The following CTNNA3 variants were observed in gnomAD, a reference collection of about 807,000 sequenced individuals.
The protein encoded by CTNNA3 is catenin alpha 3, also known as catenin alpha-3.
A neutral mutation model predicts 95.7 loss-of-function variants in CTNNA3; 76 were observed. The ratio of observed to expected loss-of-function variants is 0.79; its 90% CI spans 0.66 to 0.96. The LOEUF is 0.96. CTNNA3 is among the 40% of genes least tolerant of loss of function. The pLI, the probability that CTNNA3 is intolerant of heterozygous loss-of-function variation, is 0.00. For synonymous variants in CTNNA3, 431 were observed against 374.4 expected, an observed-to-expected ratio of 1.15 and a Z score of -1.74; for missense variants, 1,191 against 1,089.8, an observed-to-expected ratio of 1.09 and a Z score of -1.31.
At chr10:67,449,522 T>G (rs1846887867) in intron 5 of CTNNA3, among the ~76,000 whole-genome samples, 1 of 152,162 alleles carries the variant, frequency 6.6e-6, no homozygotes, top group East Asian at 1.9e-4. Flanking sequence ...TACAACTATG[T>G]GATCTTTGAC....
chr10:66,100,596 A>G (rs1030840379), intron 14 of CTNNA3, among the ~76,000 whole-genome samples: 3 of 152,172 alleles, frequency 2.0e-5, no homozygotes, highest in African/African-American at 7.2e-5. Context: ...CACTAATGCA[A>G]GATGCAGAGC....
chr10:66,924,453 T>C (rs1294588366), intron 7 of CTNNA3, among the ~76,000 whole-genome samples: 2 of 152,242 alleles, frequency 1.3e-5, no homozygotes, highest in Non-Finnish European at 2.9e-5. Context: ...TGTTATTATG[T>C]TCTACTTTGG....
At chr10:67,019,596 G>A (rs1418738636) in intron 7 of CTNNA3, among the ~76,000 whole-genome samples, 1 of 152,144 alleles carries the variant, frequency 6.6e-6, no homozygotes, top group African/African-American at 2.4e-5. Context: ...TAAGAAATAT[G>A]GAGTACAAAG....
chr10:66,050,122 G>A (rs1038035725), intron 15 of CTNNA3, among the ~76,000 whole-genome samples: 7 of 151,776 alleles, frequency 4.6e-5, no homozygotes, highest in Non-Finnish European at 8.8e-5. Context: ...AGCCTACCCT[G>A]AGAAGCTCTT....
At chr10:66,154,140 T>A (rs1564706229) in intron 13 of CTNNA3, among the ~76,000 whole-genome samples, 1 of 151,926 alleles carries the variant, frequency 6.6e-6, no homozygotes, top group East Asian at 1.9e-4. Context: ...AAGACTTGTA[T>A]TTTTTGGAGA....
intron 13 of CTNNA3, among the ~76,000 whole-genome samples, chr10:66,137,150 C>A (rs1471075344): frequency 1.3e-5 from 2 of 152,126 alleles, no homozygotes; most frequent in African/African-American, 4.8e-5. Context: ...CCATGTTTAA[C>A]AACTAGCTCA....
chr10:67,680,210 G>T (rs915575740), intron 1 of CTNNA3, among the ~76,000 whole-genome samples: 2 of 152,140 alleles, frequency 1.3e-5, no homozygotes, highest in African/African-American at 4.8e-5. Flanking sequence ...CCTTTCAGTT[G>T]CTGGGTCTAG....
intron 9 of CTNNA3, among the ~76,000 whole-genome samples, chr10:66,652,889 A>C (rs1021781323): frequency 6.6e-6 from 1 of 152,194 alleles, no homozygotes; most frequent in Non-Finnish European, 1.5e-5. Context: ...GGACAGAAAA[A>C]TATGATCATG....
chr10:66,051,295 T>A (rs2079953061), intron 15 of CTNNA3, among the ~76,000 whole-genome samples: 1 of 152,242 alleles, frequency 6.6e-6, no homozygotes, highest in Admixed American at 6.5e-5. Flanking sequence ...GTATAATACA[T>A]GATCATGAAA....
chr10:67,572,645 G>C (rs921105040), intron 3 of CTNNA3, among the ~76,000 whole-genome samples: 1 of 152,142 alleles, frequency 6.6e-6, no homozygotes, highest in Non-Finnish European at 1.5e-5. Context: ...AGGCAGTTAA[G>C]CATGAAACTC....
chr10:66,325,195 T>TACA (rs2132300028), intron 12 of CTNNA3, among the ~76,000 whole-genome samples: 1 of 152,198 alleles, frequency 6.6e-6, no homozygotes, highest in South Asian at 2.1e-4. Context: ...GTAATGACTG[T>TACA]AGTCCCTCAG....
At chr10:67,313,398 C>G (rs1840900842) in intron 5 of CTNNA3, among the ~76,000 whole-genome samples, 1 of 151,384 alleles carries the variant, frequency 6.6e-6, no homozygotes, top group Non-Finnish European at 1.5e-5. Flanking sequence ...CGCCACTGCA[C>G]TCCAGCCTGG....
At chr10:66,199,783 ATATATATATATATATATATATAT>A (rs1311695443) in intron 13 of CTNNA3, among the ~76,000 whole-genome samples, 1 of 10,306 alleles carries the variant, frequency 9.7e-5, no homozygotes, top group Non-Finnish European at 1.9e-4. Flanking sequence ...ATATATATAT[ATATATATATATATATATATATAT>A]TTTTTTTTTT....
intron 7 of CTNNA3, among the ~76,000 whole-genome samples, chr10:67,010,501 T>C (rs1852249503): frequency 6.6e-6 from 1 of 152,224 alleles, no homozygotes; most frequent in Admixed American, 6.5e-5. Context: ...AGTCCCCAGA[T>C]GGCTGCTATC....
rs753209248 is a variant in CTNNA3, at chr10:67,097,843, A to C, written c.1047+82474T>G. The C allele has an allele frequency of 3.2e-6, 5 of 1,555,888 alleles. No homozygotes were observed. The African/African-American group carries it at 4.1e-5, about 13-fold the overall frequency. The stretch of plus-strand genomic sequence containing the variant: ...GGTTGCTACCAAACTTTGTAACCTC[A>C]AGGACAAAATGAGGAAGATGTGTTC... On this transcript the variant is annotated intron_variant, in intron 7 of 17. Coordinates refer to ENST00000433211, the MANE Select transcript of CTNNA3 (RefSeq NM_013266.4).
chr10:66,309,910 TAAATAAATAAATAAATA>T (rs1401744400), intron 12 of CTNNA3, among the ~76,000 whole-genome samples: 2 of 22,828 alleles, frequency 8.8e-5, no homozygotes, highest in Non-Finnish European at 2.1e-4. Flanking sequence ...ATACAAAAAA[TAAATAAATAAATAAATA>T]AATAAATAAA....
chr10:66,965,774 G>A (rs1849381898), intron 7 of CTNNA3, among the ~76,000 whole-genome samples: 1 of 151,946 alleles, frequency 6.6e-6, no homozygotes, highest in South Asian at 2.1e-4. Context: ...TGTTTCAAAG[G>A]ATACTTGATA....
intron 7 of CTNNA3, among the ~76,000 whole-genome samples, chr10:66,789,113 A>C (rs1249646933): frequency 3.3e-5 from 5 of 152,156 alleles, no homozygotes; most frequent in Non-Finnish European, 1.5e-5. Context: ...TTCTCCTGCC[A>C]TTTTATAAAT....
intron 5 of CTNNA3, among the ~76,000 whole-genome samples, chr10:67,294,734 A>G (rs546970771): frequency 1.3e-5 from 2 of 152,170 alleles, no homozygotes; most frequent in Non-Finnish European, 2.9e-5. Context: ...GATTTATAAA[A>G]GTTTAATTTC....
Sources: allele counts gnomAD v4.1 joint callset (sites outside exome capture counted in the v4.1 genomes callset), GRCh38; gene constraint gnomAD v4.1.1; transcripts MANE v1.5; gene names NCBI Gene and HGNC (gene_info 2026-07-23, HGNC 2026-07-21).